GRIA3: variants seen among roughly 807,000 people sequenced by gnomAD.
The protein encoded by GRIA3 is glutamate receptor 3.
A neutral mutation model predicts 63.0 loss-of-function variants in GRIA3; 3 were observed. The observed-to-expected ratio is 0.05, with a 90% CI of 0.02 to 0.12. The LOEUF (loss-of-function observed/expected upper bound fraction) is 0.12. Ranked by LOEUF, GRIA3 falls within the 10% of genes least tolerant of loss-of-function variation. The pLI, the probability that GRIA3 is intolerant of heterozygous loss-of-function variation, is 1.00. For missense variants in GRIA3, 347 were observed against 700.9 expected (o/e 0.50, Z 5.70); for synonymous variants, 274 against 257.9 (o/e 1.06, Z -0.60).
At position 123,398,794 on chromosome X, in the gene GRIA3, T is replaced by G; in HGVS notation, c.1071T>G (p.Ala357=). Residue 357 remains alanine (A), a synonymous_variant, in exon 7 of 16, where the codon GCT becomes GCG. Coordinates refer to ENST00000620443, the MANE Select transcript of GRIA3 (RefSeq NM_007325.5). ...GTCAAGGAATTGATATTGAGAGAGC[T>G]CTGAAAATGGTAAAGACCACAATGG... is the stretch of plus-strand genomic sequence containing the variant. ...PWSQGIDIER[A]LKMVQVQGMT... The G allele has an allele frequency of 8.3e-7, 1 of 1,207,157 alleles. No homozygotes were observed. Among genetic ancestry groups the G allele is most frequent in the Non-Finnish European group, 1.1e-6 (1 of 892,014 alleles).
At chrX:123,449,097 A>G (rs2045717153) in intron 12 of GRIA3, among the ~76,000 whole-genome samples, 1 of 111,957 alleles carries the variant, frequency 8.9e-6, no homozygotes, top group Admixed American at 9.5e-5. Flanking sequence ...ACTGCTGTGT[A>G]CACCAAAAGA....
intron 3 of GRIA3, among the ~76,000 whole-genome samples, chrX:123,282,956 G>A (rs2044594924): frequency 8.9e-6 from 1 of 111,898 alleles, no homozygotes; most frequent in Admixed American, 9.4e-5. Flanking sequence ...TGGCTGGCAA[G>A]ACGGCCAAAT....
chrX:123,486,502 C>A (rs1464195245), intron 15 of GRIA3, among the ~76,000 whole-genome samples: 2 of 111,969 alleles, frequency 1.8e-5, no homozygotes, highest in Non-Finnish European at 3.8e-5. Context: ...ACAAATCTGT[C>A]CTCCAAGCCT....
chrX:123,407,949 TTTTTA>T (rs2147387169), intron 10 of GRIA3, among the ~76,000 whole-genome samples: 1 of 110,664 alleles, frequency 9.0e-6, no homozygotes, highest in African/African-American at 3.3e-5. Context: ...CGTAAGTGTC[TTTTTA>T]TTTTATTTAT....
chrX:123,418,741 T>C (rs2045549111), intron 11 of GRIA3, among the ~76,000 whole-genome samples: 1 of 112,313 alleles, frequency 8.9e-6, no homozygotes, highest in Non-Finnish European at 1.9e-5. Context: ...ATCAAAAAGA[T>C]AGGCAATACC....
At chrX:123,231,076 G>A (rs1042839263) in intron 2 of GRIA3, among the ~76,000 whole-genome samples, 2 of 111,713 alleles carry the variant, frequency 1.8e-5, no homozygotes, top group Non-Finnish European at 3.8e-5. Context: ...TACACGGTCT[G>A]GTACCAGGAA....
At chrX:123,288,804 C>CT (rs1181458798) in intron 3 of GRIA3, among the ~76,000 whole-genome samples, 1 of 112,046 alleles carries the variant, frequency 8.9e-6, no homozygotes, top group Non-Finnish European at 1.9e-5. Context: ...AATAGGAATG[C>CT]TTTTACACTG....
chrX:123,367,877 T>C (rs776283304), intron 5 of GRIA3, among the ~76,000 whole-genome samples: 1 of 112,243 alleles, frequency 8.9e-6, no homozygotes, highest in Non-Finnish European at 1.9e-5. Context: ...AATGTCAACT[T>C]TGTTTGAGCC....
At chrX:123,466,487 T>C (rs1246643292) in intron 13 of GRIA3, among the ~76,000 whole-genome samples, 1 of 112,029 alleles carries the variant, frequency 8.9e-6, no homozygotes, top group Non-Finnish European at 1.9e-5. Context: ...TCCTTAGCCA[T>C]GTTCTTGGTT....
At chrX:123,332,300 T>C (rs2044946652) in intron 4 of GRIA3, among the ~76,000 whole-genome samples, 1 of 111,779 alleles carries the variant, frequency 8.9e-6, no homozygotes, top group South Asian at 3.7e-4. Context: ...TGAACCAATA[T>C]GCTAACTGGG....
chrX:123,236,335 T>C (rs1357573254), intron 2 of GRIA3, among the ~76,000 whole-genome samples: 2 of 111,595 alleles, frequency 1.8e-5, no homozygotes, highest in Admixed American at 1.9e-4. Flanking sequence ...TCTGCAGCAT[T>C]GCTTTGTGGA....
chrX:123,297,437 G>A (rs755613469), intron 3 of GRIA3, among the ~76,000 whole-genome samples: 87 of 112,242 alleles, frequency 7.8e-4, no homozygotes, highest in African/African-American at 2.8e-3. Flanking sequence ...GGGAAGATCA[G>A]GTAGATTGGG....
intron 2 of GRIA3, among the ~76,000 whole-genome samples, chrX:123,219,349 T>G (rs977657483): frequency 1.8e-5 from 2 of 112,043 alleles, no homozygotes; most frequent in Non-Finnish European, 3.8e-5. Context: ...TCTATAAACT[T>G]GCCTTCCTTA....
At position 123,286,849 on chromosome X, in the gene GRIA3, G is replaced by A. The variant is rs779002247; in HGVS notation, c.508+33307G>A. ...TTACCAGAGATACAAAGAGGAGCTG[G>A]TACCATTCCTTCTGAAACTATTCCA... is the stretch of plus-strand genomic sequence containing the variant. On this transcript the variant is annotated intron_variant, in intron 3 of 15. Transcript: ENST00000620443. Among the ~76,000 whole-genome samples the A allele has an allele frequency of 5.4e-5, 6 of 111,815 alleles. No homozygotes were observed. The South Asian group carries it at 2.3e-3, about 42-fold the overall frequency.
chrX:123,384,792 T>A (rs1217955999), intron 5 of GRIA3, among the ~76,000 whole-genome samples: 1 of 112,156 alleles, frequency 8.9e-6, no homozygotes, highest in Non-Finnish European at 1.9e-5. Context: ...CACACACTTG[T>A]TTTCTTTTGA....
At chrX:123,394,785 C>T (rs936243509) in intron 5 of GRIA3, among the ~76,000 whole-genome samples, 183 bp from the exon 6 acceptor site, 1 of 112,214 alleles carries the variant, frequency 8.9e-6, no homozygotes, top group African/African-American at 3.2e-5. Context: ...CATATTTTCT[C>T]CATTATGCCT....
chrX:123,408,816 C>T (rs184511551), intron 10 of GRIA3, among the ~76,000 whole-genome samples: 3 of 112,246 alleles, frequency 2.7e-5, no homozygotes, highest in African/African-American at 9.7e-5. Context: ...AGCAAACCAA[C>T]CCATCGGAGA....
chrX:123,392,597 G>C (rs1207369917), intron 5 of GRIA3, among the ~76,000 whole-genome samples: 1 of 111,538 alleles, frequency 9.0e-6, no homozygotes, highest in Non-Finnish European at 1.9e-5. Context: ...GACTGCTAGG[G>C]GTCTCTCACT....
At chrX:123,290,200 A>T (rs909959596) in intron 3 of GRIA3, among the ~76,000 whole-genome samples, 2 of 111,509 alleles carry the variant, frequency 1.8e-5, no homozygotes, top group African/African-American at 6.5e-5. Context: ...ATTACTTGGC[A>T]TGCACCTCTT....
Sources: gnomAD v4.1 joint callset for allele counts (sites outside exome capture counted in the v4.1 genomes callset) on GRCh38, gnomAD v4.1.1 for gene constraint, MANE v1.5 for transcripts, NCBI Gene and HGNC (gene_info 2026-07-23, HGNC 2026-07-21) for gene names.